SDK1: variants seen among roughly 807,000 people sequenced by gnomAD.
SDK1 encodes the protein sidekick cell adhesion molecule 1.
Under a neutral mutation model 245.5 loss-of-function variants are expected in SDK1, and 157 were observed. The observed-to-expected ratio is 0.64, with a 90% CI of 0.56 to 0.73. The LOEUF is 0.73. Ranked by LOEUF, SDK1 falls within the 30% of genes least tolerant of loss-of-function variation. The pLI is 0.00. For missense variants in SDK1, 3,583 were observed against 3,002.3 expected (o/e 1.19, Z -4.52); for synonymous variants, 1,647 against 1,278.5 (o/e 1.29, Z -6.15).
intron 5 of SDK1, among the ~76,000 whole-genome samples, chr7:3,935,899 C>G (rs1780143003): frequency 6.6e-6 from 1 of 152,156 alleles, no homozygotes; most frequent in South Asian, 2.1e-4. Flanking sequence ...GATATATACC[C>G]AAAAGAGCTG....
chr7:3,510,954 A>G (rs1782558420), intron 1 of SDK1, among the ~76,000 whole-genome samples: 1 of 152,252 alleles, frequency 6.6e-6, no homozygotes, highest in Non-Finnish European at 1.5e-5. Flanking sequence ...CAGAACAAGA[A>G]GAGATGAGAT....
chr7:4,109,794 C>G (rs1783214698), intron 22 of SDK1, among the ~76,000 whole-genome samples: 1 of 152,134 alleles, frequency 6.6e-6, no homozygotes, highest in Non-Finnish European at 1.5e-5. Context: ...GGCACTGGCA[C>G]TCGGGTTTCT....
intron 43 of SDK1, among the ~76,000 whole-genome samples, chr7:4,243,784 C>T (rs931050774): frequency 2.6e-5 from 4 of 152,142 alleles, no homozygotes; most frequent in African/African-American, 4.8e-5. Flanking sequence ...TCAGACCCCA[C>T]ATGTGATTGA....
At chr7:4,103,484 C>G (rs1471292738) in intron 22 of SDK1, among the ~76,000 whole-genome samples, 2 of 152,180 alleles carry the variant, frequency 1.3e-5, no homozygotes, top group Non-Finnish European at 2.9e-5. Context: ...GAGTCCTGGT[C>G]TCTCCAGACA....
intron 7 of SDK1, among the ~76,000 whole-genome samples, chr7:3,955,514 C>G (rs1309022345): frequency 6.6e-6 from 1 of 152,202 alleles, no homozygotes; most frequent in Non-Finnish European, 1.5e-5. Context: ...TTCATAGATT[C>G]CAGAGGTGTG....
Position 3,495,281 on chromosome 7 carries a change from G to T in SDK1, c.299-123799G>T, listed in dbSNP as rs146933792. On this transcript the variant is annotated intron_variant, in intron 1 of 44. Coordinates refer to ENST00000404826, the MANE Select transcript of SDK1 (RefSeq NM_152744.4). ...TTTTTTTTTTTTTTTTTTTTGAAGC[G>T]GAGTCTCGCTCTGCCACCCAGGCTG... Among the ~76,000 whole-genome samples, 451 of 128,048 alleles carry T rather than the reference G, an allele frequency of 3.5e-3. 7 individuals are homozygous for T. Among genetic ancestry groups the T allele is most frequent in the African/African-American group, 0.013 (409 of 31,110 alleles). The allele number at this position is 128,048 out of a possible 152,430, so 84.0% of individuals were successfully genotyped here. A position where few individuals can be genotyped will look rare whatever the true frequency, so the allele number is the denominator to read the frequency against.
chr7:3,990,900 G>T (rs982814200), intron 14 of SDK1, among the ~76,000 whole-genome samples: 1 of 152,222 alleles, frequency 6.6e-6, no homozygotes. Context: ...CAGCCAGTTA[G>T]CTTGCCTCCA....
At chr7:3,373,101 C>T (rs900939094) in intron 1 of SDK1, among the ~76,000 whole-genome samples, 17 of 152,196 alleles carry the variant, frequency 1.1e-4, no homozygotes, top group African/African-American at 2.2e-4. Flanking sequence ...TTTACAGTGG[C>T]GCTATGTCCT....
At chr7:4,178,906 G>T (rs1401594810) in intron 35 of SDK1, among the ~76,000 whole-genome samples, 1 of 152,250 alleles carries the variant, frequency 6.6e-6, no homozygotes, top group Non-Finnish European at 1.5e-5. Context: ...AGGTGTGTGG[G>T]AAATGGAACC....
At chr7:3,953,506 C>T (rs1194660976) in intron 7 of SDK1, among the ~76,000 whole-genome samples, 1 of 152,172 alleles carries the variant, frequency 6.6e-6, no homozygotes, top group Non-Finnish European at 1.5e-5. Flanking sequence ...ATTTTTTCAT[C>T]GAGGTTGATC....
At chr7:3,931,148 C>T (rs1562545131) in intron 5 of SDK1, among the ~76,000 whole-genome samples, 1 of 152,186 alleles carries the variant, frequency 6.6e-6, no homozygotes, top group Non-Finnish European at 1.5e-5. Context: ...CGGTTCCTAA[C>T]CAGAGGGGCA....
chr7:3,930,268 GC>G (rs1281899293), intron 5 of SDK1, among the ~76,000 whole-genome samples: 2 of 152,170 alleles, frequency 1.3e-5, no homozygotes, highest in Admixed American at 6.5e-5. Flanking sequence ...TGGAAAACAT[GC>G]CCTTTTCTTC....
At chr7:3,458,510 A>G (rs975888048) in intron 1 of SDK1, among the ~76,000 whole-genome samples, 52 of 145,604 alleles carry the variant, frequency 3.6e-4, no homozygotes, top group African/African-American at 1.3e-3. Flanking sequence ...CAGGCCATCT[A>G]CCCCCTTTTT....
At chr7:4,048,171 C>T (rs1038999795) in intron 17 of SDK1, among the ~76,000 whole-genome samples, 3 of 152,142 alleles carry the variant, frequency 2.0e-5, no homozygotes, top group Non-Finnish European at 2.9e-5. Context: ...GTGTTCCGGC[C>T]GAGAAGACCC....
chr7:3,920,759 G>GCTA (rs1393451179), intron 5 of SDK1, among the ~76,000 whole-genome samples: 8,942 of 152,116 alleles, frequency 0.059, 871 homozygotes, highest in African/African-American at 0.21. Flanking sequence ...TGCAGAGGGG[G>GCTA]AGCAGTGAGA....
chr7:3,482,873 A>T (rs893168212), intron 1 of SDK1, among the ~76,000 whole-genome samples: 3 of 152,234 alleles, frequency 2.0e-5, no homozygotes, highest in Admixed American at 6.5e-5. Context: ...CTGTGTAATA[A>T]GCTTAGAAAA....
intron 1 of SDK1, among the ~76,000 whole-genome samples, chr7:3,613,742 T>C (rs1254927217): frequency 6.6e-6 from 1 of 152,106 alleles, no homozygotes; most frequent in Admixed American, 6.6e-5. Context: ...CCATCAATGA[T>C]AGACTGGATA....
intron 5 of SDK1, among the ~76,000 whole-genome samples, chr7:3,920,435 T>A (rs980700563): frequency 6.6e-6 from 1 of 152,018 alleles, no homozygotes; most frequent in Non-Finnish European, 1.5e-5. Flanking sequence ...TATGACATGG[T>A]CATCTACGGG....
chr7:3,414,493 T>C (rs1280175169), intron 1 of SDK1, among the ~76,000 whole-genome samples: 2 of 152,180 alleles, frequency 1.3e-5, no homozygotes, highest in African/African-American at 4.8e-5. Context: ...TTTTTTTCTT[T>C]TACATGAATA....
Sources: allele counts gnomAD v4.1 joint callset (sites outside exome capture counted in the v4.1 genomes callset), GRCh38; gene constraint gnomAD v4.1.1; transcripts MANE v1.5; gene names NCBI Gene and HGNC (gene_info 2026-07-23, HGNC 2026-07-21).